The following IL1A variants were observed in gnomAD, a reference collection of about 807,000 sequenced individuals.
The protein encoded by IL1A is interleukin 1 alpha.
Under a neutral mutation model 22.2 loss-of-function variants are expected in IL1A, and 16 were observed. The ratio of observed to expected loss-of-function variants is 0.72; its 90% confidence interval spans 0.49 to 1.09. IL1A has a LOEUF of 1.09. Ranked by LOEUF, IL1A falls within the 50% of genes least tolerant of loss-of-function variation. The pLI, the probability that IL1A is intolerant of heterozygous loss-of-function variation, is 0.00. For missense variants in IL1A, 317 were observed against 321.8 expected (o/e 0.99, Z 0.11); for synonymous variants, 113 against 118.5 (o/e 0.95, Z 0.30).
At chr2:112,778,181 T>C (rs1391829370) in intron 5 of IL1A, 70 bp from the exon 6 acceptor site, 4 of 1,291,954 alleles carry the variant, frequency 3.1e-6, no homozygotes, top group East Asian at 4.8e-5. Context: ...TTGATGTAGA[T>C]TGTGTGTGCA....
rs774537851 is a variant in IL1A, at chr2:112,775,073, C to T, written c.810G>A (p.Gln270=). 1.2e-5 allele frequency: 19 copies of T among 1,613,666 alleles called. No homozygotes were observed. Among genetic ancestry groups the T allele is most frequent in the Non-Finnish European group, 1.5e-5 (18 of 1,179,756 alleles). Residue 270 remains glutamine (Q), a synonymous_variant, in exon 7 of 7, where the codon CAG becomes CAA. Transcript: ENST00000263339. ...SITDFQILEN[Q]A is the part of the protein sequence containing the mutation. ...GACAAGTGAGACTCCAGACCTACGCCTGGTTTTCCAGTATCTGAAAGTCAG... is the reference window on the plus strand; with the variant it reads ...GACAAGTGAGACTCCAGACCTACGCTTGGTTTTCCAGTATCTGAAAGTCAG...
intron 3 of IL1A, 69 bp downstream of exon 3, chr2:112,782,647 G>T: frequency 8.9e-7 from 1 of 1,128,814 alleles, no homozygotes; most frequent in Non-Finnish European, 1.3e-6. Context: ...AGTCATTGCT[G>T]TTCTCTTTGG....
Position 112,779,646 on chromosome 2 carries a change from C to T in IL1A, c.340G>A (p.Ala114Thr). The change falls in exon 5 of 7, where the codon GCA becomes ACA. Residue 114 changes from alanine (A) to threonine (T), a missense_variant. By Grantham distance (58) the Ala-to-Thr change is moderately conservative. Coordinates refer to ENST00000263339, the MANE Select transcript of IL1A (RefSeq NM_000575.5). ...SEEEIIKPRS[A>T]PFSFLSNVKY... Reference sequence around the variant, plus strand: ...ACATTGCTCAGGAAGCTAAAAGGTGCTGACCTAGGCTTGATGATTTCTAAA... The same window carrying T: ...ACATTGCTCAGGAAGCTAAAAGGTGTTGACCTAGGCTTGATGATTTCTAAA... 1 of 1,605,680 alleles carries T rather than the reference C, an allele frequency of 6.2e-7. No homozygotes were observed. The highest frequency in any genetic ancestry group is 8.5e-7 in the Non-Finnish European group (1 of 1,173,278).
Position 112,781,586 on chromosome 2 carries a change from T to C in IL1A, c.319+18A>G. Reference sequence around the variant, plus strand: ...TTAAAACTGTAAAAGAAAGATATTATTGTGCTTGACCCCTTACCTTCCTCT... The same window carrying C: ...TTAAAACTGTAAAAGAAAGATATTACTGTGCTTGACCCCTTACCTTCCTCT... On this transcript the variant is annotated intron_variant, in intron 4 of 6. Transcript: ENST00000263339. The C allele has an allele frequency of 6.3e-7, 1 of 1,582,746 alleles. No homozygotes were observed.
intron 2 of IL1A, among the ~76,000 whole-genome samples, 169 bp from the exon 3 acceptor site, chr2:112,782,933 A>G (rs1681239903): frequency 6.6e-6 from 1 of 152,264 alleles, no homozygotes; most frequent in African/African-American, 2.4e-5. Context: ...AGTAATTCAT[A>G]TCTTACTAAT....
rs1178517026 is a variant in IL1A, at chr2:112,781,774, T to G, written c.149A>C (p.Gln50Pro). The stretch of plus-strand genomic sequence containing the variant: ...TTCAGAGATACTCAGAGACACAGAT[T>G]GATCCATGCAGCCTTCATGGAGTGG... ...YGPLHEGCMDQSVSLSISETS... is the reference protein window; with the variant it reads ...YGPLHEGCMDPSVSLSISETS... Residue 50 changes from glutamine to proline, a missense_variant, in exon 4 of 7, where the codon CAA (glutamine) becomes CCA (proline). Gln to Pro is a moderately conservative substitution (Grantham distance 76). Coordinates refer to ENST00000263339, the MANE Select transcript of IL1A (RefSeq NM_000575.5). The G allele has an allele frequency of 6.2e-7, 1 of 1,614,192 alleles. No homozygotes were observed. Among genetic ancestry groups the G allele is most frequent in the Non-Finnish European group, 8.5e-7 (1 of 1,180,014 alleles).
rs1472563174 is a variant in IL1A, at chr2:112,783,739, A to G, written c.32T>C (p.Leu11Pro). 6.2e-7 allele frequency: 1 copy of G among 1,613,758 alleles called. No homozygotes were observed. Among genetic ancestry groups the G allele is most frequent in the Non-Finnish European group, 8.5e-7 (1 of 1,179,624 alleles). Residue 11 changes from leucine (L) to proline (P), a missense_variant, in exon 2 of 7, where the codon CTG becomes CCG. Physicochemically the swap from Leu to Pro is moderately conservative, Grantham distance 98. Coordinates refer to ENST00000263339, the MANE Select transcript of IL1A (RefSeq NM_000575.5). Reference sequence around the variant, plus strand: ...TATTCCTTACCTGTAACAGTTCTTCAGGTCTTCAAACATGTCTGGAACTTT... The same window carrying G: ...TATTCCTTACCTGTAACAGTTCTTCGGGTCTTCAAACATGTCTGGAACTTT... MAKVPDMFED[L>P]KNCYSENEED... is the part of the protein sequence containing the mutation.
In IL1A at chr2:112,778,432, C is replaced by T. The variant is rs3783585; in HGVS notation, c.491-321G>A. On this transcript the variant is annotated intron_variant, in intron 5 of 6. Transcript: ENST00000263339. Reference sequence around the variant, plus strand: ...TTATAATTTCATTAGTGGGATAAGACCCTGTAATTTGTTAGATCATAAGTT... The same window carrying T: ...TTATAATTTCATTAGTGGGATAAGATCCTGTAATTTGTTAGATCATAAGTT... Among the ~76,000 whole-genome samples, 721 of 152,214 alleles carry T rather than the reference C, an allele frequency of 4.7e-3. 6 individuals carry two copies. Among genetic ancestry groups the T allele is most frequent in the African/African-American group, 0.016 (671 of 41,512 alleles).
intron 2 of IL1A, among the ~76,000 whole-genome samples, chr2:112,783,304 CTGAG>C (rs1681246592): frequency 6.6e-6 from 1 of 152,198 alleles, no homozygotes; most frequent in Admixed American, 6.5e-5. Flanking sequence ...TCTTCTACAT[CTGAG>C]TGAGATTTGC....
Position 112,779,506 on chromosome 2 carries a change from C to A in IL1A, c.480G>T (p.Leu160=). The part of the protein sequence containing the change: ...QYLTAAALHN[L]DEAVKFDMGA... ...GCCATTTTAATGTACCTGCTTCATC[C>A]AGATTATGTAATGCAGCAGCCGTGA... Residue 160 remains leucine, a synonymous_variant, in exon 5 of 7, where the codon CTG becomes CTT. Transcript: ENST00000263339. 2 of 1,576,476 alleles carry A rather than the reference C, an allele frequency of 1.3e-6. No homozygotes were observed. Among genetic ancestry groups the A allele is most frequent in the Non-Finnish European group, 1.7e-6 (2 of 1,150,932 alleles).
chr2:112,778,843 T>A (rs1681145656), intron 5 of IL1A, among the ~76,000 whole-genome samples: 1 of 152,204 alleles, frequency 6.6e-6, no homozygotes, highest in African/African-American at 2.4e-5. Context: ...GTTGAAAGCA[T>A]GTTAGCTGAA....
chr2:112,783,803 A>G, intron 1 of IL1A, 25 bp from the exon 2 acceptor site: 1 of 1,610,094 alleles, frequency 6.2e-7, no homozygotes, highest in Non-Finnish European at 8.5e-7. Context: ...ACCAGCCACC[A>G]TCAGCTCAGC....
chr2:112,778,108 T>C lies in IL1A; in HGVS notation c.494A>G (p.Lys165Arg). 1 of 1,612,774 alleles carries C rather than the reference T, an allele frequency of 6.2e-7. No homozygotes were observed. The highest frequency in any genetic ancestry group is 8.5e-7 in the Non-Finnish European group (1 of 1,179,364). Reference protein sequence around the residue: ...AALHNLDEAVKFDMGAYKSSK... With the variant: ...AALHNLDEAVRFDMGAYKSSK... Reference sequence around the variant, plus strand: ...TGACTTATAAGCACCCATGTCAAATTTCACTGGTGAAGAGAAGAACCAAAA... The same window carrying C: ...TGACTTATAAGCACCCATGTCAAATCTCACTGGTGAAGAGAAGAACCAAAA... Residue 165 changes from lysine to arginine, a missense_variant, in exon 6 of 7, where the codon AAA becomes AGA. By Grantham distance (26) the Lys-to-Arg change is conservative. Coordinates refer to ENST00000263339, the MANE Select transcript of IL1A (RefSeq NM_000575.5).
intron 4 of IL1A, 85 bp downstream of exon 4, chr2:112,781,519 T>C: frequency 9.7e-7 from 1 of 1,032,352 alleles, no homozygotes; most frequent in African/African-American, 1.6e-5. Context: ...TTATTCTGAC[T>C]CCACGTTTAA....
chr2:112,775,320 C>T, intron 6 of IL1A, 53 bp from the exon 7 acceptor site: 1 of 1,430,470 alleles, frequency 7.0e-7, no homozygotes, highest in Non-Finnish European at 9.9e-7. Context: ...AGAAAAAGGA[C>T]TGAAGCTCAA....
intron 1 of IL1A, 107 bp from the exon 2 acceptor site, chr2:112,783,885 TTAGTCCACATTCAGCATTTTCTCCATC>T: frequency 1.1e-6 from 1 of 904,978 alleles, no homozygotes; most frequent in Admixed American, 1.7e-5. Flanking sequence ...GTTGAATGAC[TTAGTCCACATTCAGCATTTTCTCCATC>T]TTCTAGCTCC....
rs990581908 is a variant in IL1A at position 112,779,509 on chromosome 2, A to G, written c.477T>C (p.Asn159=). ...DQYLTAAALH[N]LDEAVKFDMG... Reference sequence around the variant, plus strand: ...ATTTTAATGTACCTGCTTCATCCAGATTATGTAATGCAGCAGCCGTGAGGT... The same window carrying G: ...ATTTTAATGTACCTGCTTCATCCAGGTTATGTAATGCAGCAGCCGTGAGGT... Residue 159 remains asparagine (N), a synonymous_variant, in exon 5 of 7, where the codon AAT becomes AAC. Coordinates refer to ENST00000263339, the MANE Select transcript of IL1A (RefSeq NM_000575.5). The G allele has an allele frequency of 2.5e-6, 4 of 1,586,362 alleles. No homozygotes were observed. The highest frequency in any genetic ancestry group is 1.7e-5 in the Admixed American group (1 of 59,582).
intron 1 of IL1A, among the ~76,000 whole-genome samples, chr2:112,784,202 CCATGCCCT>C (rs1343467107): frequency 6.6e-6 from 1 of 152,198 alleles, no homozygotes; most frequent in Non-Finnish European, 1.5e-5. Context: ...TTGTATTCAC[CCATGCCCT>C]CATAGGAAAC....
intron 2 of IL1A, 118 bp downstream of exon 2, chr2:112,783,606 T>C: frequency 1.2e-6 from 1 of 802,612 alleles, no homozygotes; most frequent in South Asian, 1.4e-5. Flanking sequence ...TCAGGACTAG[T>C]ACACATCTCT....
Sources: gnomAD v4.1 joint callset for allele counts (sites outside exome capture counted in the v4.1 genomes callset) on GRCh38, gnomAD v4.1.1 for gene constraint, MANE v1.5 for transcripts, NCBI Gene and HGNC (gene_info 2026-07-23, HGNC 2026-07-21) for gene names.